The following PELI1 variants were observed in gnomAD, a reference collection of about 807,000 sequenced individuals.
PELI1 encodes the protein E3 ubiquitin-protein ligase pellino homolog 1.
A neutral mutation model predicts 41.3 loss-of-function variants in PELI1; 15 were observed. The ratio of observed to expected loss-of-function variants is 0.36; its 90% CI spans 0.24 to 0.56. The LOEUF (loss-of-function observed/expected upper bound fraction) is 0.56, where lower values mean the gene tolerates loss of function less well. PELI1 is among the 20% of genes least tolerant of loss of function. The probability of loss-of-function intolerance (pLI) is 0.82; values close to 1 mark genes in which losing one functional copy is unlikely to be tolerated. For synonymous variants in PELI1, 178 were observed against 180.1 expected (o/e 0.99, Z 0.09); for missense variants, 403 against 525.5 (o/e 0.77, Z 2.28).
At chr2:64,113,196 GAA>G (rs1680880370) in intron 1 of PELI1, among the ~76,000 whole-genome samples, 1 of 151,696 alleles carries the variant, frequency 6.6e-6, no homozygotes, top group African/African-American at 2.4e-5. Context: ...CAGCTACTCA[GAA>G]AGCTGAGGTG....
At chr2:64,108,037 A>C (rs1306553161) in intron 2 of PELI1, among the ~76,000 whole-genome samples, 14 of 152,198 alleles carry the variant, frequency 9.2e-5, no homozygotes, top group African/African-American at 4.8e-5. Context: ...GACAAAGCTT[A>C]TGTCATATTT....
At chr2:64,105,995 A>G (rs1462192152) in intron 2 of PELI1, among the ~76,000 whole-genome samples, 1 of 152,244 alleles carries the variant, frequency 6.6e-6, no homozygotes, top group African/African-American at 2.4e-5. Flanking sequence ...ACTGCCATAT[A>G]TAGAAACTAC....
chr2:64,123,162 T>TTAGC (rs1681278452), intron 1 of PELI1, among the ~76,000 whole-genome samples: 1 of 152,238 alleles, frequency 6.6e-6, no homozygotes, highest in South Asian at 2.1e-4. Flanking sequence ...CTCCACTCTT[T>TTAGC]TCTATATGTT....
intron 1 of PELI1, among the ~76,000 whole-genome samples, chr2:64,128,100 G>A (rs981073496): frequency 1.3e-5 from 2 of 152,088 alleles, no homozygotes; most frequent in African/African-American, 4.8e-5. Flanking sequence ...GAACCTATTT[G>A]TATCAAAACT....
At chr2:64,125,778 G>C (rs917054758) in intron 1 of PELI1, among the ~76,000 whole-genome samples, 76 of 152,170 alleles carry the variant, frequency 5.0e-4, no homozygotes, top group African/African-American at 1.8e-3. Context: ...ACCCGAATCT[G>C]AATCCGCAAA....
chr2:64,110,247 G>GAAAAAAAAAAAAAAAAA (rs796716135), intron 1 of PELI1, among the ~76,000 whole-genome samples: 1 of 100,798 alleles, frequency 9.9e-6, no homozygotes, highest in Non-Finnish European at 2.1e-5. Flanking sequence ...TCCGTCTCAA[G>GAAAAAAAAAAAAAAAAA]AAAAAAAAAA....
At chr2:64,126,295 C>G (rs567041130) in intron 1 of PELI1, among the ~76,000 whole-genome samples, 1 of 152,272 alleles carries the variant, frequency 6.6e-6, no homozygotes, top group African/African-American at 2.4e-5. Flanking sequence ...TCCCAAGTAG[C>G]TGGGACTACA....
chr2:64,120,055 CTTGT>C (rs1232052834), intron 1 of PELI1, among the ~76,000 whole-genome samples: 27 of 152,308 alleles, frequency 1.8e-4, no homozygotes, highest in Admixed American at 3.9e-4. Context: ...ATTGATCACA[CTTGT>C]TTATTTCCAG....
At chr2:64,127,358 G>A (rs1310917290) in intron 1 of PELI1, among the ~76,000 whole-genome samples, 1 of 152,214 alleles carries the variant, frequency 6.6e-6, no homozygotes, top group Non-Finnish European at 1.5e-5. Context: ...GGGCAACAGA[G>A]TGAGTCCTTG....
intron 1 of PELI1, among the ~76,000 whole-genome samples, chr2:64,123,030 G>A (rs376758281): frequency 3.0e-4 from 46 of 152,268 alleles, no homozygotes; most frequent in Admixed American, 1.4e-3. Flanking sequence ...CTATGTTGGC[G>A]TCTGTTTCAT....
intron 1 of PELI1, among the ~76,000 whole-genome samples, chr2:64,124,677 T>C (rs1681329874): frequency 6.6e-6 from 1 of 152,244 alleles, no homozygotes; most frequent in Non-Finnish European, 1.5e-5. Flanking sequence ...ATCATAAACA[T>C]GTGCTTTTTT....
chr2:64,121,423 AC>A (rs1439711222), intron 1 of PELI1, among the ~76,000 whole-genome samples: 2 of 152,194 alleles, frequency 1.3e-5, no homozygotes, highest in Non-Finnish European at 2.9e-5. Context: ...TCCTAGGGAA[AC>A]CAAGATATCA....
At chr2:64,140,396 T>C (rs1681861100) in intron 1 of PELI1, among the ~76,000 whole-genome samples, 2 of 152,192 alleles carry the variant, frequency 1.3e-5, no homozygotes, top group South Asian at 2.1e-4. Context: ...TAGAACCCCA[T>C]TTCTCTGAAG....
chr2:64,111,137 T>C (rs1487196555), intron 1 of PELI1, among the ~76,000 whole-genome samples: 1 of 152,132 alleles, frequency 6.6e-6, no homozygotes, highest in Non-Finnish European at 1.5e-5. Flanking sequence ...TCCTACTAGC[T>C]AGCCCATAAA....
At chr2:64,136,391 G>GCATA (rs1681717954) in intron 1 of PELI1, among the ~76,000 whole-genome samples, 1 of 152,098 alleles carries the variant, frequency 6.6e-6, no homozygotes, top group Non-Finnish European at 1.5e-5. Flanking sequence ...ACATACACAT[G>GCATA]CATACATACA....
rs913662876 is a variant in PELI1 at position 64,142,391 on chromosome 2, T to A, written c.-70+1690A>T. ...CAACTATATAGTACAAAATTAAATT[T>A]AAGAGAATTTAGAGTAAGTGAAACT... On this transcript the variant is annotated intron_variant, in intron 1 of 6. Coordinates refer to ENST00000358912, the MANE Select transcript of PELI1 (RefSeq NM_020651.4). 3.9e-5 allele frequency among the ~76,000 whole-genome samples: 6 copies of A among 152,290 alleles called. No homozygotes were observed. The East Asian group carries it at 1.2e-3, about 29-fold the overall frequency.
chr2:64,138,485 T>C (rs1681790570), intron 1 of PELI1, among the ~76,000 whole-genome samples: 1 of 152,158 alleles, frequency 6.6e-6, no homozygotes, highest in African/African-American at 2.4e-5. Context: ...CCCAGCACTT[T>C]GGGAGGCGGA....
At chr2:64,120,960 C>T (rs1172085151) in intron 1 of PELI1, among the ~76,000 whole-genome samples, 1 of 152,134 alleles carries the variant, frequency 6.6e-6, no homozygotes, top group African/African-American at 2.4e-5. Flanking sequence ...AATGAACCAC[C>T]CTTTATCACA....
chr2:64,094,784 T>G lies in PELI1; in HGVS notation c.1175A>C (p.His392Pro). 1 of 1,614,172 alleles carries G rather than the reference T, an allele frequency of 6.2e-7. No homozygotes were observed. Among genetic ancestry groups the G allele is most frequent in the African/African-American group, 1.3e-5 (1 of 75,060 alleles). ...ATGTGCACAAAAGGGACAGGCTGCA[T>G]GAAAAGTATGAGTACCATGAGGAAG... ...IPLPHGTHTFHAACPFCAHQL... is the reference protein window; with the variant it reads ...IPLPHGTHTFPAACPFCAHQL... Residue 392 changes from histidine (H) to proline (P), a missense_variant, in exon 7 of 7, where the codon CAT becomes CCT. Transcript: ENST00000358912.
Sources: gnomAD v4.1 joint callset for allele counts (sites outside exome capture counted in the v4.1 genomes callset) on GRCh38, gnomAD v4.1.1 for gene constraint, MANE v1.5 for transcripts, NCBI Gene and HGNC (gene_info 2026-07-23, HGNC 2026-07-21) for gene names.